The following AKR1C3 variants were observed in gnomAD, a reference collection of about 807,000 sequenced individuals.
The protein encoded by AKR1C3 is aldo-keto reductase family 1 member C3.
Under a neutral mutation model 43.6 loss-of-function variants are expected in AKR1C3, and 48 were observed. The observed-to-expected ratio is 1.10, with a 90% CI of 0.87 to 1.40. AKR1C3 has a LOEUF of 1.40. Ranked by LOEUF, AKR1C3 falls within the 40% of genes most tolerant of loss-of-function variation. AKR1C3 has a pLI of 0.00. For missense variants in AKR1C3, 482 were observed against 391.2 expected, an observed-to-expected ratio of 1.23 and a Z score of -1.96; for synonymous variants, 162 against 139.6, an observed-to-expected ratio of 1.16 and a Z score of -1.13.
intron 1 of AKR1C3, among the ~76,000 whole-genome samples, chr10:5,082,733 C>T (rs1838863850): frequency 6.6e-6 from 1 of 152,052 alleles, no homozygotes; most frequent in African/African-American, 2.4e-5. Flanking sequence ...CCATGTTTTC[C>T]AAGGATATGT....
chr10:5,078,363 G>A (rs1274707747), intron 1 of AKR1C3, among the ~76,000 whole-genome samples: 1 of 152,220 alleles, frequency 6.6e-6, no homozygotes, highest in Non-Finnish European at 1.5e-5. Context: ...AGAATCACTT[G>A]AACCTGGGAG....
intron 1 of AKR1C3, chr10:5,080,908 C>T (rs898029137): frequency 9.9e-5 from 15 of 152,104 alleles, no homozygotes; most frequent in South Asian, 8.3e-4. Flanking sequence ...GGAGGTAGGA[C>T]GCAACCTCAA....
intron 1 of AKR1C3, among the ~76,000 whole-genome samples, chr10:5,058,460 G>A (rs1838309186): frequency 6.6e-6 from 1 of 152,170 alleles, no homozygotes; most frequent in Admixed American, 6.5e-5. Context: ...GGTCAAATTG[G>A]TCCCAATGGC....
intron 1 of AKR1C3, among the ~76,000 whole-genome samples, chr10:5,085,334 C>T (rs1370214142): frequency 6.6e-6 from 1 of 151,862 alleles, no homozygotes; most frequent in African/African-American, 2.4e-5. Flanking sequence ...TTGAGATAAT[C>T]ATGTGGTTTT....
upstream of AKR1C3, chr10:5,094,391 A>C: frequency 6.2e-7 from 1 of 1,604,198 alleles, no homozygotes; most frequent in Non-Finnish European, 8.5e-7. Context: ...TTGTTTTTGT[A>C]ATCTCTGAGG....
chr10:5,092,874 A>G (rs1485635931), upstream of AKR1C3, among the ~76,000 whole-genome samples: 1 of 151,846 alleles, frequency 6.6e-6, no homozygotes, highest in African/African-American at 2.4e-5. Flanking sequence ...ATACCTTATT[A>G]TTTTATTTGA....
At chr10:5,093,956 A>G (rs1937845), upstream of AKR1C3, 69,189 of 151,922 alleles carry the variant, frequency 0.46, 16,664 homozygotes, top group East Asian at 0.86. Flanking sequence ...AGGACCAACT[A>G]TTTGAAAAAT....
At chr10:5,060,724 G>A (rs116104694) in intron 1 of AKR1C3, among the ~76,000 whole-genome samples, 3,439 of 152,296 alleles carry the variant, frequency 0.023, 139 homozygotes, top group African/African-American at 0.079. Context: ...GGGACTTGGC[G>A]CTGTGGAGCA....
At chr10:5,058,157 T>A (rs550480562) in intron 1 of AKR1C3, among the ~76,000 whole-genome samples, 1 of 152,110 alleles carries the variant, frequency 6.6e-6, no homozygotes. Context: ...TTATCATTAA[T>A]AGGAAGGGGA....
chr10:5,102,469 C>T lies in AKR1C3; in HGVS notation c.681-16C>T, dbSNP rs782370712. ...CGCCAGCCTCAGGGCCTCAGCCTTTCTGCCTTTCCTTCCAGGGTGGACCCG... is the reference window on the plus strand; with the variant it reads ...CGCCAGCCTCAGGGCCTCAGCCTTTTTGCCTTTCCTTCCAGGGTGGACCCG... On this transcript the variant is annotated splice_polypyrimidine_tract_variant and intron_variant, in intron 6 of 8. Coordinates refer to ENST00000380554, the MANE Select transcript of AKR1C3 (RefSeq NM_003739.6). 6 of 1,508,072 alleles carry T rather than the reference C, an allele frequency of 4.0e-6. No individual in the cohort carries two copies. In the East Asian group the frequency reaches 1.4e-4, roughly 34 times the overall value. The allele number at this position is 1,508,072 out of a possible 1,614,324, so 93.4% of individuals were successfully genotyped here.
chr10:5,102,786 T>C, intron 7 of AKR1C3, 136 bp downstream of exon 7: 2 of 1,479,130 alleles, frequency 1.4e-6, no homozygotes, highest in Non-Finnish European at 9.0e-7. Context: ...GCGTGCATCC[T>C]GAGGGTTTCT....
intron 1 of AKR1C3, among the ~76,000 whole-genome samples, chr10:5,083,463 A>T (rs1838882164): frequency 6.6e-6 from 1 of 152,146 alleles, no homozygotes; most frequent in Admixed American, 6.5e-5. Context: ...ACATTTTCTT[A>T]ATCCAGTCTA....
chr10:5,069,034 AC>A (rs1838565628), intron 1 of AKR1C3, among the ~76,000 whole-genome samples: 1 of 152,252 alleles, frequency 6.6e-6, no homozygotes, highest in South Asian at 2.1e-4. Flanking sequence ...AGTCACATGA[AC>A]TAAATAAAAA....
At chr10:5,072,778 A>T (rs1158983707) in intron 1 of AKR1C3, among the ~76,000 whole-genome samples, 2 of 152,200 alleles carry the variant, frequency 1.3e-5, no homozygotes, top group African/African-American at 2.4e-5. Flanking sequence ...AGAATGTTAT[A>T]AAAAATGGTG....
intron 1 of AKR1C3, among the ~76,000 whole-genome samples, chr10:5,075,571 A>T (rs1838699856): frequency 2.6e-5 from 4 of 152,046 alleles, no homozygotes; most frequent in African/African-American, 7.3e-5. Flanking sequence ...GTCATGTGGA[A>T]AAAAGCCATT....
At chr10:5,103,252 T>C (rs1218522984) in intron 7 of AKR1C3, among the ~76,000 whole-genome samples, 1 of 151,664 alleles carries the variant, frequency 6.6e-6, no homozygotes, top group African/African-American at 2.4e-5. Flanking sequence ...TCATTGTGGA[T>C]TTTTCATTTC....
intron 1 of AKR1C3, among the ~76,000 whole-genome samples, chr10:5,073,337 T>G (rs56166478): frequency 0.016 from 2,503 of 152,294 alleles, 27 homozygotes; most frequent in Non-Finnish European, 0.024. Flanking sequence ...GGCAGGAGAT[T>G]TCATTTTTAA....
chr10:5,088,207 T>TA (rs1839014647), intron 1 of AKR1C3, among the ~76,000 whole-genome samples: 1 of 152,206 alleles, frequency 6.6e-6, no homozygotes, highest in Non-Finnish European at 1.5e-5. Flanking sequence ...TTTGAGTTTT[T>TA]AATTTTATTG....
At chr10:5,105,829 T>A in intron 8 of AKR1C3, 152 bp downstream of exon 8, 2 of 651,814 alleles carry the variant, frequency 3.1e-6, no homozygotes, top group Non-Finnish European at 5.4e-6. Flanking sequence ...TCCAGAGCTC[T>A]GTTCTCTGGC....
Sources: gnomAD v4.1 joint callset for allele counts (sites outside exome capture counted in the v4.1 genomes callset) on GRCh38, gnomAD v4.1.1 for gene constraint, MANE v1.5 for transcripts, NCBI Gene and HGNC (gene_info 2026-07-23, HGNC 2026-07-21) for gene names.